The following CNIH4 variants were observed in gnomAD, a reference collection of about 807,000 sequenced individuals.
The protein encoded by CNIH4 is protein cornichon homolog 4.
Under a neutral mutation model 21.5 loss-of-function variants are expected in CNIH4, and 9 were observed. The ratio of observed to expected loss-of-function variants is 0.42; its 90% CI spans 0.25 to 0.73. CNIH4 has a LOEUF of 0.73. Among genes scored for constraint, CNIH4 ranks in the 30% least tolerant of loss-of-function variants. The pLI is 0.27. For missense variants in CNIH4, 159 were observed against 170.0 expected, an observed-to-expected ratio of 0.94 and a Z score of 0.36; for synonymous variants, 67 against 59.1, an observed-to-expected ratio of 1.13 and a Z score of -0.61.
intron 2 of CNIH4, chr1:224,364,209 G>C: frequency 1.0e-6 from 1 of 979,782 alleles, no homozygotes; most frequent in Non-Finnish European, 1.2e-6. Context: ...GTAACATAGG[G>C]AGACTTCCTC....
chr1:224,366,919 C>T (rs906986948), intron 3 of CNIH4, among the ~76,000 whole-genome samples: 8 of 150,500 alleles, frequency 5.3e-5, no homozygotes, highest in African/African-American at 1.5e-4. Flanking sequence ...GCTGAGGTCA[C>T]GCCACTGCAA....
In CNIH4 at chr1:224,376,684, TC is replaced by T. The variant is rs1672789748; in HGVS notation, c.*863del. 1.0e-6 allele frequency: 1 copy of T among 985,328 alleles called. No individual in the cohort carries two copies. The highest frequency in any genetic ancestry group is 1.1e-4 in the East Asian group (1 of 8,826). 61.0% of individuals were successfully genotyped at this position (985,328 alleles called of 1,614,324 possible). On this transcript the variant is annotated 3_prime_UTR_variant, in exon 5 of 5. Coordinates refer to ENST00000465271, the MANE Select transcript of CNIH4 (RefSeq NM_014184.4). ...TTTTGGTGCGCCACGTGGTGCCAGA[TC>T]AACACTTCTATCCCTCTGCACTGAC...
chr1:224,362,507 T>C (rs1339705238), intron 2 of CNIH4, among the ~76,000 whole-genome samples: 1 of 77,158 alleles, frequency 1.3e-5, no homozygotes, highest in Non-Finnish European at 2.6e-5. Flanking sequence ...TTTTTTTTTT[T>C]GAGACGGAGT....
In CNIH4 at chr1:224,370,493, C is replaced by T. The variant is rs559494823; in HGVS notation, c.252-790C>T. Among the ~76,000 whole-genome samples the T allele has an allele frequency of 7.2e-5, 11 of 152,276 alleles. No individual in the cohort carries two copies. In the South Asian group the frequency reaches 2.3e-3, roughly 32 times the overall value. On this transcript the variant is annotated intron_variant, in intron 3 of 4. Transcript: ENST00000465271. ...GTGCTAGGTTAGGACATATATGTTA[C>T]ACAGATGACACAGTCTGGATGTTGA...
chr1:224,365,494 T>C (rs1459801740), intron 2 of CNIH4, among the ~76,000 whole-genome samples: 2 of 152,244 alleles, frequency 1.3e-5, no homozygotes, highest in Non-Finnish European at 2.9e-5. Context: ...ACGTTGCTAT[T>C]CTGACTTGAA....
At chr1:224,358,667 G>A (rs1174869558) in intron 1 of CNIH4, among the ~76,000 whole-genome samples, 3 of 152,100 alleles carry the variant, frequency 2.0e-5, no homozygotes, top group East Asian at 3.9e-4. Context: ...TGTGGCCCAG[G>A]GAAGCCAAAA....
chr1:224,367,864 C>T (rs543838401), intron 3 of CNIH4, among the ~76,000 whole-genome samples: 1 of 152,310 alleles, frequency 6.6e-6, no homozygotes, highest in African/African-American at 2.4e-5. Context: ...AAGTGAAACA[C>T]AACTTTGGGA....
At position 224,357,092 on chromosome 1, in the gene CNIH4, C is replaced by T; in HGVS notation, c.69+99C>T. On this transcript the variant is annotated intron_variant, in intron 1 of 4. Coordinates refer to ENST00000465271, the MANE Select transcript of CNIH4 (RefSeq NM_014184.4). ...AGGTGTGTGGGACTAGGGAGGCGCC[C>T]GGCGGCGGGCGTGGGCTCCCTGGGA... 3 of 1,383,266 alleles carry T rather than the reference C, an allele frequency of 2.2e-6. No homozygotes were observed. In the South Asian group the frequency reaches 3.7e-5, roughly 17 times the overall value. 85.7% of individuals were successfully genotyped at this position (1,383,266 alleles called of 1,614,324 possible).
At chr1:224,372,691 T>A (rs770737390) in intron 4 of CNIH4, among the ~76,000 whole-genome samples, 37 of 151,950 alleles carry the variant, frequency 2.4e-4, no homozygotes, top group Non-Finnish European at 5.1e-4. Context: ...CAAGCGATTC[T>A]CCTGCCTCAG....
At chr1:224,373,502 A>G (rs1370685475) in intron 4 of CNIH4, among the ~76,000 whole-genome samples, 1 of 151,908 alleles carries the variant, frequency 6.6e-6, no homozygotes, top group African/African-American at 2.4e-5. Context: ...AAAAATGTAC[A>G]TGAGTTTCTG....
chr1:224,365,060 A>G (rs1449127635), intron 2 of CNIH4, among the ~76,000 whole-genome samples: 4 of 152,148 alleles, frequency 2.6e-5, no homozygotes, highest in Non-Finnish European at 5.9e-5. Context: ...CTTACACTAT[A>G]TTGCTCTGCC....
chr1:224,375,421 C>T (rs1672751610), intron 4 of CNIH4, among the ~76,000 whole-genome samples: 2 of 151,742 alleles, frequency 1.3e-5, no homozygotes. Flanking sequence ...AGGTTCCAGG[C>T]ATAGAACAGT....
chr1:224,357,018 C>G, intron 1 of CNIH4, 25 bp downstream of exon 1: 1 of 1,597,606 alleles, frequency 6.3e-7, no homozygotes, highest in Non-Finnish European at 8.5e-7. Flanking sequence ...GGCAGGCGAA[C>G]GCCTTGCCGG....
upstream of CNIH4, chr1:224,356,848 C>G (rs1306274802): frequency 7.8e-7 from 1 of 1,285,366 alleles, no homozygotes; most frequent in African/African-American, 1.5e-5. Context: ...CAGCCAGCCC[C>G]GGCAAGGGCC....
In CNIH4 at chr1:224,378,989, CCATAGACTACTAT is replaced by C. The variant is rs1173462466; in HGVS notation, c.*3169_*3181del. ...ATAATGGCAGTACCCAGGGCCCGGT[CCATAGACTACTAT>C]CGAGTGCTCCTATGTGCATCTTAGT... On this transcript the variant is annotated 3_prime_UTR_variant, in exon 5 of 5. Coordinates refer to ENST00000465271, the MANE Select transcript of CNIH4 (RefSeq NM_014184.4). The C allele has an allele frequency of 2.9e-6, 4 of 1,402,752 alleles. No homozygotes were observed. In the Admixed American group the frequency reaches 5.9e-5, roughly 21 times the overall value. 86.9% of individuals were successfully genotyped at this position (1,402,752 alleles called of 1,614,324 possible).
chr1:224,367,099 A>T (rs913162612), intron 3 of CNIH4, among the ~76,000 whole-genome samples: 1 of 152,234 alleles, frequency 6.6e-6, no homozygotes, highest in Admixed American at 6.5e-5. Context: ...TAGACATAGC[A>T]TACTTTCTTG....
rs562282198 is a variant in CNIH4 at position 224,373,570 on chromosome 1, C to T, written c.392+2147C>T. Among the ~76,000 whole-genome samples, 57 of 150,798 alleles carry T rather than the reference C, an allele frequency of 3.8e-4. 1 individual carries two copies. The highest frequency in any genetic ancestry group is 3.4e-3 in the Admixed American group (51 of 15,180). Reference sequence around the variant, plus strand: ...AGTGGCTGGGCTCGGTGGCTCATGCCTGTAATCCCAGCACTTTGGGAGGCC... The same window carrying T: ...AGTGGCTGGGCTCGGTGGCTCATGCTTGTAATCCCAGCACTTTGGGAGGCC... On this transcript the variant is annotated intron_variant, in intron 4 of 4. Coordinates refer to ENST00000465271, the MANE Select transcript of CNIH4 (RefSeq NM_014184.4).
chr1:224,358,368 A>G (rs1672178445), intron 1 of CNIH4, among the ~76,000 whole-genome samples: 1 of 152,068 alleles, frequency 6.6e-6, no homozygotes, highest in African/African-American at 2.4e-5. Context: ...TAACGACAAG[A>G]TTTCTGAGTT....
intron 3 of CNIH4, among the ~76,000 whole-genome samples, chr1:224,367,025 A>T (rs1285229319): frequency 6.6e-6 from 1 of 151,904 alleles, no homozygotes; most frequent in East Asian, 1.9e-4. Flanking sequence ...TAATAAATTT[A>T]GGAAGTTTGT....
Sources: allele counts gnomAD v4.1 joint callset (sites outside exome capture counted in the v4.1 genomes callset), GRCh38; gene constraint gnomAD v4.1.1; transcripts MANE v1.5; gene names NCBI Gene and HGNC (gene_info 2026-07-23, HGNC 2026-07-21).